SMARCC1: variants seen among roughly 807,000 people sequenced by gnomAD.
SMARCC1 encodes SWI/SNF complex subunit SMARCC1.
SMARCC1 carries 43 observed loss-of-function variants against 147.4 expected under a neutral mutation model. That is an observed-to-expected ratio of 0.29 (90% CI 0.23 to 0.38). The LOEUF (loss-of-function observed/expected upper bound fraction) is 0.38, where lower values mean the gene tolerates loss of function less well. Ranked by LOEUF, SMARCC1 falls within the 10% of genes least tolerant of loss-of-function variation. The pLI, the probability that SMARCC1 is intolerant of heterozygous loss-of-function variation, is 1.00. For missense variants in SMARCC1, 1,119 were observed against 1,381.1 expected (o/e 0.81, Z 3.01); for synonymous variants, 495 against 484.4 (o/e 1.02, Z -0.29).
At chr3:47,758,849 G>C (rs2034736064) in intron 2 of SMARCC1, among the ~76,000 whole-genome samples, 1 of 151,794 alleles carries the variant, frequency 6.6e-6, no homozygotes, top group African/African-American at 2.4e-5. Context: ...GCCTGGCCAA[G>C]ATAAACACAA....
intron 8 of SMARCC1, 76 bp from the exon 9 acceptor site, chr3:47,710,884 C>T: frequency 8.1e-7 from 1 of 1,232,356 alleles, no homozygotes; most frequent in Non-Finnish European, 1.1e-6. Context: ...GAGAAGGAAA[C>T]AAGCTGATTT....
At chr3:47,635,656 A>G (rs1008432807) in intron 23 of SMARCC1, among the ~76,000 whole-genome samples, 6 of 152,212 alleles carry the variant, frequency 3.9e-5, no homozygotes, top group East Asian at 1.9e-4. Flanking sequence ...TCATCAATCA[A>G]TGAAATGCTC....
At chr3:47,711,579 C>CA (rs2034085403) in intron 8 of SMARCC1, among the ~76,000 whole-genome samples, 2 of 152,116 alleles carry the variant, frequency 1.3e-5, no homozygotes. Context: ...CAGTCAAGAA[C>CA]AGATTACAAT....
At chr3:47,693,111 G>A in intron 12 of SMARCC1, 130 bp downstream of exon 12, 1 of 649,392 alleles carries the variant, frequency 1.5e-6, no homozygotes, top group Non-Finnish European at 2.7e-6. Context: ...TTAAAGCTGT[G>A]GTGAGCTATA....
intron 11 of SMARCC1, among the ~76,000 whole-genome samples, chr3:47,697,368 G>A (rs1034624140): frequency 1.3e-5 from 2 of 150,164 alleles, no homozygotes; most frequent in South Asian, 2.1e-4. Context: ...TGGCGTGATC[G>A]TGGCTCACTG....
intron 2 of SMARCC1, among the ~76,000 whole-genome samples, chr3:47,755,693 C>T (rs1316062359): frequency 6.8e-6 from 1 of 147,766 alleles, no homozygotes. Flanking sequence ...TCCGTCTCTA[C>T]TAAAAATACA....
intron 2 of SMARCC1, among the ~76,000 whole-genome samples, chr3:47,761,386 G>C (rs1445190299): frequency 6.6e-6 from 1 of 152,130 alleles, no homozygotes; most frequent in Non-Finnish European, 1.5e-5. Context: ...TGTTGGTGTG[G>C]ATCTTATAAA....
Position 47,772,933 on chromosome 3 carries a change from C to G in SMARCC1, c.199G>C (p.Val67Leu). 1 of 1,607,740 alleles carries G rather than the reference C, an allele frequency of 6.2e-7. No individual in the cohort carries two copies. The highest frequency in any genetic ancestry group is 8.5e-7 in the Non-Finnish European group (1 of 1,177,816). Residue 67 changes from valine to leucine, a missense_variant, in exon 2 of 28, where the codon GTT becomes CTT. By Grantham distance (32) the Val-to-Leu change is conservative. This residue lies in a region of SMARCC1 where 542 missense variants were observed against 611.8 expected (regional missense o/e 0.89). Transcript: ENST00000254480. ...TTATTGGTAGGAGCATCCGCATGAA[C>G]ATACTGCAAGATAAAGACAGGCATT... The part of the protein sequence containing the change: ...VWLGKHYKKY[V>L]HADAPTNKTL...
chr3:47,600,630 C>T lies in SMARCC1; in HGVS notation c.3043+9436G>A, dbSNP rs573087620. Among the ~76,000 whole-genome samples the T allele has an allele frequency of 3.3e-5, 5 of 152,242 alleles. No individual in the cohort carries two copies. In the East Asian group the frequency reaches 9.6e-4, roughly 29 times the overall value. ...AGGTCCATTCTCTTTTCCTTTACCC[C>T]ACCTTCCTTTCTAAGGAGTAACTTT... On this transcript the variant is annotated intron_variant, in intron 26 of 27. Coordinates refer to ENST00000254480, the MANE Select transcript of SMARCC1 (RefSeq NM_003074.4).
In SMARCC1 at chr3:47,781,704, G is replaced by C; in HGVS notation, c.94C>G (p.Arg32Gly). ...GTGGCCGGGCCCCCATCCTTCCGTC[G>C]ATAAACAGCTAGGCCTGCGGCTGCC... Reference protein sequence around the residue: ...AAAAAGLAVYRRKDGGPATKF... With the variant: ...AAAAAGLAVYGRKDGGPATKF... Residue 32 changes from arginine (R) to glycine (G), a missense_variant, in exon 1 of 28, where the codon CGA becomes GGA. Around this residue, in one of 6 missense-constraint regions of SMARCC1, gnomAD observed 542 missense variants for 611.8 expected, o/e 0.89. Coordinates refer to ENST00000254480, the MANE Select transcript of SMARCC1 (RefSeq NM_003074.4). 1 of 1,562,574 alleles carries C rather than the reference G, an allele frequency of 6.4e-7. No homozygotes were observed. The highest frequency in any genetic ancestry group is 1.7e-4 in the Middle Eastern group (1 of 5,944).
intron 2 of SMARCC1, among the ~76,000 whole-genome samples, chr3:47,766,283 A>G (rs2034838937): frequency 6.6e-6 from 1 of 152,034 alleles, no homozygotes; most frequent in South Asian, 2.1e-4. Context: ...AAACAGCTCT[A>G]GGCCGGGCAC....
At chr3:47,606,408 G>A (rs1250836528) in intron 26 of SMARCC1, among the ~76,000 whole-genome samples, 1 of 152,170 alleles carries the variant, frequency 6.6e-6, no homozygotes, top group Non-Finnish European at 1.5e-5. Flanking sequence ...GCCTTGCCAT[G>A]CATCAGTTCT....
intron 21 of SMARCC1, among the ~76,000 whole-genome samples, chr3:47,660,825 G>A (rs1452160655): frequency 2.6e-5 from 4 of 152,138 alleles, no homozygotes; most frequent in Non-Finnish European, 5.9e-5. Context: ...ACACAGCATT[G>A]TAAATATAGC....
intron 6 of SMARCC1, among the ~76,000 whole-genome samples, chr3:47,724,546 A>G (rs1240679221): frequency 6.6e-6 from 1 of 152,182 alleles, no homozygotes; most frequent in Non-Finnish European, 1.5e-5. Context: ...CAAATTCATA[A>G]GTTTTCTTAG....
rs1464783912 is a variant in SMARCC1, at chr3:47,720,652, C to A, written c.716+14G>T. ...GAAATCTTTATACCAGGTCTCACAG[C>A]ATATGAACATTACCTGTCTGGGTAA... On this transcript the variant is annotated intron_variant, in intron 7 of 27. Coordinates refer to ENST00000254480, the MANE Select transcript of SMARCC1 (RefSeq NM_003074.4). The A allele has an allele frequency of 6.4e-7, 1 of 1,550,976 alleles. No homozygotes were observed. The highest frequency in any genetic ancestry group is 1.1e-5 in the South Asian group (1 of 87,696).
intron 2 of SMARCC1, among the ~76,000 whole-genome samples, chr3:47,753,325 CAAAAA>C (rs35435595): frequency 1.1e-5 from 1 of 92,884 alleles, no homozygotes. Context: ...ACTCCATCTC[CAAAAA>C]AAAAAAAAAA....
chr3:47,741,591 G>T (rs907633945), intron 3 of SMARCC1, among the ~76,000 whole-genome samples: 4 of 151,236 alleles, frequency 2.6e-5, no homozygotes, highest in Non-Finnish European at 4.4e-5. Flanking sequence ...ACTACTCAAC[G>T]TGAAGACAAG....
At position 47,676,555 on chromosome 3, in the gene SMARCC1, T is replaced by A; in HGVS notation, c.1725+74A>T. 5.8e-6 allele frequency: 6 copies of A among 1,040,238 alleles called. 1 individual carries two copies. The highest frequency in any genetic ancestry group is 8.7e-6 in the Non-Finnish European group (6 of 693,268). The allele number at this position is 1,040,238 out of a possible 1,614,324, so 64.4% of individuals were successfully genotyped here. A position where few individuals can be genotyped will look rare whatever the true frequency, so the allele number is the denominator to read the frequency against. ...AATAGCATTATAGTATAATAATAATTGTTTCTAAATAGATATGCTATAAAT... is the reference window on the plus strand; with the variant it reads ...AATAGCATTATAGTATAATAATAATAGTTTCTAAATAGATATGCTATAAAT... On this transcript the variant is annotated intron_variant, in intron 17 of 27. Transcript: ENST00000254480.
intron 26 of SMARCC1, among the ~76,000 whole-genome samples, chr3:47,592,794 T>C (rs2032205700): frequency 6.7e-6 from 1 of 149,238 alleles, no homozygotes; most frequent in Admixed American, 6.7e-5. Flanking sequence ...AGATGGGGTC[T>C]CACTACGTTT....
Sources: allele counts gnomAD v4.1 joint callset (sites outside exome capture counted in the v4.1 genomes callset), GRCh38; gene constraint gnomAD v4.1.1; regional missense constraint gnomAD v4.1.1; transcripts MANE v1.5; gene names NCBI Gene and HGNC (gene_info 2026-07-23, HGNC 2026-07-21).